Variants in GNG2 observed in about 807,000 individuals in gnomAD.
The protein encoded by GNG2 is guanine nucleotide-binding protein G(I)/G(S)/G(O) subunit gamma-2.
A neutral mutation model predicts 5.5 loss-of-function variants in GNG2; 5 were observed. The observed-to-expected ratio is 0.91, with a 90% CI of 0.48 to 1.92. The LOEUF (loss-of-function observed/expected upper bound fraction) is 1.92. GNG2 is among the 30% of genes most tolerant of loss of function. The pLI is 0.01. For missense variants in GNG2, 55 were observed against 88.4 expected, an observed-to-expected ratio of 0.62 and a Z score of 1.52; for synonymous variants, 28 against 32.0, an observed-to-expected ratio of 0.88 and a Z score of 0.42.
chr14:51,850,901 G>A (rs1374436999), intron 2 of GNG2, among the ~76,000 whole-genome samples: 1 of 152,084 alleles, frequency 6.6e-6, no homozygotes, highest in East Asian at 1.9e-4. Flanking sequence ...ATTCATGGGG[G>A]ATCCACCCCC....
At chr14:51,913,439 G>A (rs890276945) in intron 2 of GNG2, 2 of 152,226 alleles carry the variant, frequency 1.3e-5, no homozygotes, top group African/African-American at 4.8e-5. Context: ...GCTTGAGCCC[G>A]GGAGTTAGAG....
chr14:51,888,988 C>G (rs773117825), intron 2 of GNG2, among the ~76,000 whole-genome samples: 1 of 152,014 alleles, frequency 6.6e-6, no homozygotes, highest in African/African-American at 2.4e-5. Context: ...TTATATGATC[C>G]CAGGCACTGA....
chr14:51,966,517 G>C (rs17124796), intron 3 of GNG2, 42 bp from the exon 4 acceptor site: 1 of 1,596,768 alleles, frequency 6.3e-7, no homozygotes, highest in Non-Finnish European at 8.6e-7. Context: ...TTGACTGACT[G>C]TACCAGACTC....
chr14:51,839,526 C>T (rs1881426597), intron 2 of GNG2, among the ~76,000 whole-genome samples: 1 of 152,018 alleles, frequency 6.6e-6, no homozygotes, highest in Non-Finnish European at 1.5e-5. Flanking sequence ...TCCCAGCTTG[C>T]CTTTTCTGTT....
chr14:51,844,211 C>T (rs983427168), intron 2 of GNG2, among the ~76,000 whole-genome samples: 4 of 152,214 alleles, frequency 2.6e-5, no homozygotes, highest in Non-Finnish European at 5.9e-5. Context: ...CACTGGCTCT[C>T]CTTTCCCTCT....
chr14:51,951,953 G>C lies in GNG2; in HGVS notation c.87+1188G>C, dbSNP rs186279736. ...CATCTGTGCGTTCCCAACACCCAGA[G>C]AGCTCTATAAAAGGACCAATTACCG... On this transcript the variant is annotated intron_variant, in intron 3 of 3. Coordinates refer to ENST00000556766, the MANE Select transcript of GNG2 (RefSeq NM_053064.5). 1.7e-3 allele frequency: 1,208 copies of C among 696,946 alleles called. 16 individuals are homozygous for C. Among genetic ancestry groups the C allele is most frequent in the Non-Finnish European group, 1.1e-3 (407 of 383,586 alleles). The allele number at this position is 696,946 out of a possible 1,614,324, so 43.2% of individuals were successfully genotyped here.
chr14:51,908,538 CTATCTA>C (rs1886082737), intron 2 of GNG2, among the ~76,000 whole-genome samples: 1 of 124,192 alleles, frequency 8.1e-6, no homozygotes, highest in Non-Finnish European at 1.6e-5. Context: ...ATCTATCTAT[CTATCTA>C]TCTATCTATC....
At chr14:51,892,235 A>G (rs1162236842) in intron 2 of GNG2, among the ~76,000 whole-genome samples, 1 of 152,176 alleles carries the variant, frequency 6.6e-6, no homozygotes, top group East Asian at 1.9e-4. Context: ...AAAGTGGGCC[A>G]TTACCGTAGA....
rs575674921 is a variant in GNG2 at position 51,967,516 on chromosome 14, G to A, written c.*829G>A. Reference sequence around the variant, plus strand: ...GTTTTGTTGTTTTACTCTAAAGCTGGGAAAGGAAATGAGAGGGAAAAGACC... The same window carrying A: ...GTTTTGTTGTTTTACTCTAAAGCTGAGAAAGGAAATGAGAGGGAAAAGACC... On this transcript the variant is annotated 3_prime_UTR_variant, in exon 4 of 4. Coordinates refer to ENST00000556766, the MANE Select transcript of GNG2 (RefSeq NM_053064.5). 2 of 152,162 alleles carry A rather than the reference G, an allele frequency of 1.3e-5. No homozygotes were observed. Among genetic ancestry groups the A allele is most frequent in the Non-Finnish European group, 2.9e-5 (2 of 68,006 alleles). The allele number at this position is 152,162 out of a possible 1,614,324, so 9.4% of individuals were successfully genotyped here.
chr14:51,885,525 C>CT (rs1272775098), intron 2 of GNG2, among the ~76,000 whole-genome samples: 1 of 151,874 alleles, frequency 6.6e-6, no homozygotes, highest in East Asian at 1.9e-4. Context: ...AAGGATAGAG[C>CT]TTTTACCTTG....
chr14:51,938,275 C>A (rs557096772), intron 2 of GNG2, among the ~76,000 whole-genome samples: 6 of 152,270 alleles, frequency 3.9e-5, no homozygotes, highest in African/African-American at 1.2e-4. Context: ...TTGGTTGTAT[C>A]CAGAGATTTT....
At chr14:51,916,634 G>A (rs1020389152) in intron 2 of GNG2, 1 of 386,742 alleles carries the variant, frequency 2.6e-6, no homozygotes, top group Non-Finnish European at 5.1e-6. Flanking sequence ...AGAAGAGCCA[G>A]GTGCTGGGAG....
intron 2 of GNG2, among the ~76,000 whole-genome samples, chr14:51,923,999 T>A (rs535393912): frequency 1.4e-4 from 22 of 152,358 alleles, no homozygotes; most frequent in African/African-American, 5.3e-4. Context: ...ATTCTGTAGT[T>A]ATAAAATTAT....
chr14:51,880,967 GAAAAAAAA>G (rs11463019), intron 2 of GNG2, among the ~76,000 whole-genome samples: 4 of 101,984 alleles, frequency 3.9e-5, no homozygotes, highest in Admixed American at 3.4e-4. Context: ...CAAAAAAAAA[GAAAAAAAA>G]AAAAAAAAAA....
chr14:51,852,504 A>G (rs1166609287), intron 2 of GNG2, among the ~76,000 whole-genome samples: 2 of 152,204 alleles, frequency 1.3e-5, no homozygotes, highest in Non-Finnish European at 2.9e-5. Context: ...ATACAATGTG[A>G]TAAGAGCTAT....
chr14:51,844,189 G>C (rs1037704553), intron 2 of GNG2, among the ~76,000 whole-genome samples: 1 of 152,222 alleles, frequency 6.6e-6, no homozygotes, highest in Non-Finnish European at 1.5e-5. Flanking sequence ...GCTACCAGCT[G>C]TGTGTTCCTG....
intron 2 of GNG2, among the ~76,000 whole-genome samples, chr14:51,897,645 G>A (rs1885284779): frequency 6.6e-6 from 1 of 152,112 alleles, no homozygotes; most frequent in Admixed American, 6.6e-5. Flanking sequence ...GTTTAATGTT[G>A]CCTTCATTTC....
chr14:51,845,108 TG>T (rs1171214697), intron 2 of GNG2, among the ~76,000 whole-genome samples: 7 of 152,354 alleles, frequency 4.6e-5, no homozygotes, highest in East Asian at 1.9e-4. Context: ...TATTGTGAAT[TG>T]TTTTTTTTCT....
At chr14:51,869,563 G>A (rs1594856063) in intron 1 of GNG2, among the ~76,000 whole-genome samples, 1 of 152,162 alleles carries the variant, frequency 6.6e-6, no homozygotes, top group Non-Finnish European at 1.5e-5. Flanking sequence ...CCCAGGCTGG[G>A]GTGCAGTGGC....
Sources: gnomAD v4.1 joint callset for allele counts (sites outside exome capture counted in the v4.1 genomes callset) on GRCh38, gnomAD v4.1.1 for gene constraint, MANE v1.5 for transcripts, NCBI Gene and HGNC (gene_info 2026-07-23, HGNC 2026-07-21) for gene names.